Variants in SMARCA2 observed in about 807,000 individuals in gnomAD.
SMARCA2 encodes SWI/SNF related BAF chromatin remodeling complex subunit ATPase 2.
A neutral mutation model predicts 199.8 loss-of-function variants in SMARCA2; 61 were observed. The ratio of observed to expected loss-of-function variants is 0.31; its 90% CI spans 0.25 to 0.38. SMARCA2 has a LOEUF of 0.38. Among genes scored for constraint, SMARCA2 ranks in the 10% least tolerant of loss-of-function variants. SMARCA2 has a pLI of 1.00. For synonymous variants in SMARCA2, 935 were observed against 732.0 expected, an observed-to-expected ratio of 1.28 and a Z score of -4.48; for missense variants, 1,344 against 2,012.2, an observed-to-expected ratio of 0.67 and a Z score of 6.35.
rs1823376557 is a variant in SMARCA2, at chr9:2,119,847, G to C, written c.3762+312G>C. 6.6e-6 allele frequency among the ~76,000 whole-genome samples: 1 copy of C among 152,350 alleles called. No individual in the cohort carries two copies. The highest frequency in any genetic ancestry group is 1.5e-5 in the Non-Finnish European group (1 of 68,036). On this transcript the variant is annotated intron_variant, in intron 26 of 33. Coordinates refer to ENST00000349721, the MANE Select transcript of SMARCA2 (RefSeq NM_003070.5). This position sits in a 1 kb window ranked among gnomAD's most constrained non-coding sequence, Gnocchi z 4.6. ...TGTGGAAACAGTTGGCCAGGGCTGA[G>C]TAGCAGCTGCACTCTCTGGACAGGC...
chr9:2,078,943 C>CA (rs1481451989), intron 14 of SMARCA2, among the ~76,000 whole-genome samples: 2 of 150,968 alleles, frequency 1.3e-5, no homozygotes, highest in Non-Finnish European at 2.9e-5. Flanking sequence ...AGACTCTATC[C>CA]AAAAAAATAA....
intron 27 of SMARCA2, chr9:2,158,957 C>T (rs748331916): frequency 4.5e-5 from 72 of 1,611,926 alleles, no homozygotes; most frequent in Non-Finnish European, 5.9e-5. Context: ...CTGCATAAAA[C>T]CTTAGTTTGA....
chr9:2,120,738 T>A (rs1823422790), intron 26 of SMARCA2, among the ~76,000 whole-genome samples: 1 of 152,190 alleles, frequency 6.6e-6, no homozygotes, highest in African/African-American at 2.4e-5. Context: ...TGGGAATAAC[T>A]ACTAAACTGG....
intron 27 of SMARCA2, among the ~76,000 whole-genome samples, chr9:2,156,938 C>G (rs901981756): frequency 6.6e-6 from 1 of 152,086 alleles, no homozygotes. Flanking sequence ...ACAGTATTTG[C>G]TTTTTTGCGT....
At chr9:2,148,800 T>C (rs1432772947) in intron 27 of SMARCA2, among the ~76,000 whole-genome samples, 1 of 151,396 alleles carries the variant, frequency 6.6e-6, no homozygotes, top group Non-Finnish European at 1.5e-5. Context: ...TGAGCCACGG[T>C]GCCCAGCTTG....
chr9:2,185,474 T>C (rs1237711449), intron 31 of SMARCA2, among the ~76,000 whole-genome samples: 2 of 152,244 alleles, frequency 1.3e-5, no homozygotes, highest in Non-Finnish European at 1.5e-5. Context: ...GCTAGGAACA[T>C]GGGTGTGCCA....
chr9:2,183,330 T>C (rs1324201), intron 31 of SMARCA2, among the ~76,000 whole-genome samples: 102,746 of 152,118 alleles, frequency 0.68, 35,008 homozygotes, highest in African/African-American at 0.73. Flanking sequence ...ATCAGCCCAA[T>C]TGCAATTCTC....
intron 3 of SMARCA2, among the ~76,000 whole-genome samples, chr9:2,038,436 A>G (rs1238253510): frequency 2.6e-5 from 4 of 152,068 alleles, no homozygotes; most frequent in African/African-American, 9.7e-5. Context: ...CCGTCTACTG[A>G]CACCTACCTT....
rs866593265 is a variant in SMARCA2 at position 2,123,911 on chromosome 9, G to A, written c.3955G>A (p.Ala1319Thr). The change falls in exon 27 of 34, where the codon GCC (alanine) becomes ACC (threonine). Residue 1319 changes from alanine (A) to threonine (T), a missense_variant. Physicochemically the swap from Ala to Thr is moderately conservative, Grantham distance 58 (BLOSUM62 0). Around this residue, in one of 18 missense-constraint regions of SMARCA2, gnomAD observed 4 missense variants for 25.6 expected, o/e 0.16. Coordinates refer to ENST00000349721, the MANE Select transcript of SMARCA2 (RefSeq NM_003070.5). The surrounding 1 kb of genome is among the most constrained non-coding windows in gnomAD (Gnocchi z 4.1). ...RQRRDVDYSD[A>T]LTEKQWLRAI... ...GCGCCGTGACGTGGACTACAGTGAC[G>A]CCCTCACGGAGAAGCAGTGGCTAAG... 1 of 1,580,054 alleles carries A rather than the reference G, an allele frequency of 6.3e-7. No homozygotes were observed.
intron 25 of SMARCA2, 47 bp downstream of exon 25, chr9:2,116,096 G>T: frequency 7.3e-7 from 1 of 1,360,914 alleles, no homozygotes; most frequent in Admixed American, 1.8e-5. Flanking sequence ...GTGGCCTTTT[G>T]TCTCTGAAGG....
chr9:2,107,853 G>A (rs1212953842), intron 23 of SMARCA2, among the ~76,000 whole-genome samples: 2 of 152,148 alleles, frequency 1.3e-5, no homozygotes, highest in African/African-American at 4.8e-5. Flanking sequence ...CAATCACTGT[G>A]ACACAGGTTT....
intron 1 of SMARCA2, among the ~76,000 whole-genome samples, chr9:2,024,604 G>A (rs930808627): frequency 6.6e-6 from 1 of 152,086 alleles, no homozygotes; most frequent in Non-Finnish European, 1.5e-5. Flanking sequence ...CACAACCAAA[G>A]CCTAGTCCTT....
At chr9:2,158,826 T>G in intron 27 of SMARCA2, 1 of 898,004 alleles carries the variant, frequency 1.1e-6, no homozygotes, top group Non-Finnish European at 1.6e-6. Flanking sequence ...TTGGGAAGTG[T>G]TTAGTGAATT....
intron 27 of SMARCA2, chr9:2,160,967 T>G (rs549448065): frequency 3.4e-4 from 71 of 208,470 alleles, no homozygotes; most frequent in African/African-American, 1.5e-3. Context: ...TACCTGGTTG[T>G]TTTTATAGCT....
intron 3 of SMARCA2, among the ~76,000 whole-genome samples, chr9:2,033,817 G>C (rs1819178872): frequency 6.6e-6 from 1 of 152,156 alleles, no homozygotes; most frequent in Non-Finnish European, 1.5e-5. Context: ...TGCAATCTCT[G>C]CCTTAGTATC....
intron 29 of SMARCA2, among the ~76,000 whole-genome samples, chr9:2,176,654 C>T (rs773502585): frequency 3.3e-5 from 5 of 151,994 alleles, no homozygotes; most frequent in East Asian, 1.9e-4. Context: ...TGGGCTCAAG[C>T]GATCCTCCCA....
rs1481224824 is a variant in SMARCA2 at position 2,170,901 on chromosome 9, G to C, written c.4253+429G>C. Among the ~76,000 whole-genome samples, 1 of 152,228 alleles carries C rather than the reference G, an allele frequency of 6.6e-6. No individual in the cohort carries two copies. The highest frequency in any genetic ancestry group is 1.5e-5 in the Non-Finnish European group (1 of 68,032). On this transcript the variant is annotated intron_variant, in intron 29 of 33. Coordinates refer to ENST00000349721, the MANE Select transcript of SMARCA2 (RefSeq NM_003070.5). The surrounding 1 kb of genome is among the most constrained non-coding windows in gnomAD (Gnocchi z 4.7). Reference sequence around the variant, plus strand: ...TTGATCTCCTGCGAGACATGAAGAAGCGTGCATGTTCACGCTGTGTCTGCA... The same window carrying C: ...TTGATCTCCTGCGAGACATGAAGAACCGTGCATGTTCACGCTGTGTCTGCA...
At chr9:2,129,642 C>T (rs1212957746) in intron 27 of SMARCA2, among the ~76,000 whole-genome samples, 4 of 152,194 alleles carry the variant, frequency 2.6e-5, no homozygotes, top group Non-Finnish European at 5.9e-5. Flanking sequence ...TGCTTGAACT[C>T]ATTCCCCAGC....
In SMARCA2 at chr9:2,192,897, A is replaced by C; in HGVS notation, c.*158A>C. The C allele has an allele frequency of 1.6e-6, 1 of 618,712 alleles. No homozygotes were observed. Among genetic ancestry groups the C allele is most frequent in the Non-Finnish European group, 2.9e-6 (1 of 344,236 alleles). The allele number at this position is 618,712 out of a possible 1,614,324, so 38.3% of individuals were successfully genotyped here. A position where few individuals can be genotyped will look rare whatever the true frequency, so the allele number is the denominator to read the frequency against. ...TAGTGCCAGACAAACATATGATATC[A>C]TGGTGTAAAAAACACACACATACAC... On this transcript the variant is annotated 3_prime_UTR_variant, in exon 34 of 34. Coordinates refer to ENST00000349721, the MANE Select transcript of SMARCA2 (RefSeq NM_003070.5).
Sources: gnomAD v4.1 joint callset for allele counts (sites outside exome capture counted in the v4.1 genomes callset) on GRCh38, gnomAD v4.1.1 for gene constraint, gnomAD v4.1.1 regional missense constraint, Gnocchi (gnomAD v3.1) non-coding constraint, MANE v1.5 for transcripts, NCBI Gene and HGNC (gene_info 2026-07-23, HGNC 2026-07-21) for gene names.